The following DDX50 variants were observed in gnomAD, a reference collection of about 807,000 sequenced individuals.
DDX50 encodes ATP-dependent RNA helicase DDX50.
DDX50 carries 56 observed loss-of-function variants against 94.8 expected under a neutral mutation model. That is an observed-to-expected ratio of 0.59 (90% CI 0.48 to 0.74). The LOEUF (loss-of-function observed/expected upper bound fraction) is 0.74. DDX50 is among the 30% of genes least tolerant of loss of function. The probability of loss-of-function intolerance (pLI) is 0.00; values close to 1 mark genes in which losing one functional copy is unlikely to be tolerated. For missense variants in DDX50, 713 were observed against 881.2 expected (o/e 0.81, Z 2.42); for synonymous variants, 264 against 295.4 (o/e 0.89, Z 1.09).
At position 68,906,742 on chromosome 10, in the gene DDX50, A is replaced by C; in HGVS notation, c.119A>C (p.Asp40Ala). The part of the protein sequence containing the change: ...SDRRKSRHHY[D>A]SDEKSETREN... ...AGAAGGAAGTCAAGGCACCATTATG[A>C]CTCGGATGAGAAATCAGAAACAAGA... Residue 40 changes from aspartate (D) to alanine (A), a missense_variant, in exon 2 of 15, where the codon GAC (aspartate) becomes GCC (alanine). Coordinates refer to ENST00000373585, the MANE Select transcript of DDX50 (RefSeq NM_024045.2). 2 of 1,612,020 alleles carry C rather than the reference A, an allele frequency of 1.2e-6. No individual in the cohort carries two copies. Among genetic ancestry groups the C allele is most frequent in the South Asian group, 2.2e-5 (2 of 90,412 alleles).
At chr10:68,907,323 T>TC (rs1841487088) in intron 2 of DDX50, among the ~76,000 whole-genome samples, 1 of 149,310 alleles carries the variant, frequency 6.7e-6, no homozygotes, top group African/African-American at 2.5e-5. Flanking sequence ...TTTTCTTTTT[T>TC]TTTTTTTTTT....
At chr10:68,946,251 C>T in intron 14 of DDX50, 101 bp from the exon 15 acceptor site, 1 of 1,380,624 alleles carries the variant, frequency 7.2e-7, no homozygotes, top group Non-Finnish European at 9.7e-7. Flanking sequence ...AATAGATGGC[C>T]TTTAGCTAAT....
At chr10:68,904,913 G>A (rs540466131) in intron 1 of DDX50, among the ~76,000 whole-genome samples, 16 of 152,344 alleles carry the variant, frequency 1.1e-4, no homozygotes, top group African/African-American at 3.8e-4. Context: ...TTATGGATGA[G>A]AAAATTATAT....
chr10:68,946,647 C>T lies in DDX50; in HGVS notation c.*17C>T, dbSNP rs1424351723. 2 of 1,606,046 alleles carry T rather than the reference C, an allele frequency of 1.2e-6. No homozygotes were observed. Among genetic ancestry groups the T allele is most frequent in the South Asian group, 1.1e-5 (1 of 90,760 alleles). ...TTTGACTGAGTATTTGATAGTTAATCTACCAGTGTGAGCTTGCCTATTTCT... is the reference window on the plus strand; with the variant it reads ...TTTGACTGAGTATTTGATAGTTAATTTACCAGTGTGAGCTTGCCTATTTCT... On this transcript the variant is annotated 3_prime_UTR_variant, in exon 15 of 15. Coordinates refer to ENST00000373585, the MANE Select transcript of DDX50 (RefSeq NM_024045.2).
chr10:68,937,468 C>T lies in DDX50; in HGVS notation c.1755+373C>T, dbSNP rs372294373. The stretch of plus-strand genomic sequence containing the variant: ...GTGGTGATGTTTCAGTACATCCGTA[C>T]ATACCATGTATAGGTATCAGATCAG... On this transcript the variant is annotated intron_variant, in intron 12 of 14. Transcript: ENST00000373585. Among the ~76,000 whole-genome samples the T allele has an allele frequency of 2.4e-3, 368 of 152,102 alleles. 2 individuals are homozygous for T. The highest frequency in any genetic ancestry group is 8.6e-3 in the African/African-American group (358 of 41,504).
At chr10:68,936,516 ATATATATATAT>A (rs1480311750) in intron 11 of DDX50, among the ~76,000 whole-genome samples, 226 of 16,704 alleles carry the variant, frequency 0.014, 9 homozygotes, top group African/African-American at 0.032. Context: ...AAAAAAAAAA[ATATATATATAT>A]ATATATATAT....
At chr10:68,925,095 GTTTTTT>G (rs1239190321) in intron 8 of DDX50, among the ~76,000 whole-genome samples, 1 of 28,562 alleles carries the variant, frequency 3.5e-5, no homozygotes, top group African/African-American at 1.1e-4. Flanking sequence ...CCTGCTCATG[GTTTTTT>G]TTTTTTTTTT....
At chr10:68,922,809 T>C (rs1841976158) in intron 8 of DDX50, among the ~76,000 whole-genome samples, 1 of 150,426 alleles carries the variant, frequency 6.6e-6, no homozygotes, top group South Asian at 2.1e-4. Flanking sequence ...TTTTTTTTTT[T>C]TTTGAGAGTC....
Position 68,934,378 on chromosome 10 carries a change from A to AT in DDX50, c.1401+21dup, listed in dbSNP as rs1307964067. ...CTCCTCAGGTAGGAAATGGGATTTGATTTGGGAAAAATAAGAGCAATTTTA... is the reference window on the plus strand; with the variant it reads ...CTCCTCAGGTAGGAAATGGGATTTGATTTTGGGAAAAATAAGAGCAATTTTA... On this transcript the variant is annotated intron_variant, in intron 9 of 14. Coordinates refer to ENST00000373585, the MANE Select transcript of DDX50 (RefSeq NM_024045.2). This position sits in a 1 kb window ranked among gnomAD's most constrained non-coding sequence, Gnocchi z 4.0. 4 of 1,610,854 alleles carry AT rather than the reference A, an allele frequency of 2.5e-6. No homozygotes were observed. Among genetic ancestry groups the AT allele is most frequent in the Admixed American group, 3.4e-5 (2 of 58,766 alleles).
chr10:68,909,811 C>T (rs1841572114), intron 2 of DDX50, among the ~76,000 whole-genome samples: 2 of 152,012 alleles, frequency 1.3e-5, no homozygotes, highest in Non-Finnish European at 2.9e-5. Context: ...TACAGGCATG[C>T]GCCACCATGC....
intron 12 of DDX50, among the ~76,000 whole-genome samples, chr10:68,940,136 C>T (rs1842521573): frequency 6.6e-6 from 1 of 151,978 alleles, no homozygotes; most frequent in Non-Finnish European, 1.5e-5. Context: ...TGCCTGTAAT[C>T]CTAGCACTTT....
chr10:68,913,117 T>G, intron 4 of DDX50, 45 bp from the exon 5 acceptor site: 1 of 1,482,876 alleles, frequency 6.7e-7, no homozygotes. Context: ...AATTTAGATA[T>G]GTCTTTAGAA....
At chr10:68,922,198 T>C (rs1273439097) in intron 8 of DDX50, among the ~76,000 whole-genome samples, 3 of 152,286 alleles carry the variant, frequency 2.0e-5, no homozygotes, top group East Asian at 1.9e-4. Context: ...CTCTCTTTTT[T>C]TTTAAGAGAC....
chr10:68,928,205 C>T (rs1842139683), intron 8 of DDX50, among the ~76,000 whole-genome samples: 1 of 151,932 alleles, frequency 6.6e-6, no homozygotes, highest in African/African-American at 2.4e-5. Flanking sequence ...GTCCAAGCTA[C>T]TGAGGAGGCT....
chr10:68,946,753 G>T lies in DDX50; in HGVS notation c.*123G>T. On this transcript the variant is annotated 3_prime_UTR_variant, in exon 15 of 15. Coordinates refer to ENST00000373585, the MANE Select transcript of DDX50 (RefSeq NM_024045.2). ...TCTGCTATTTGCAAAGAAGTTGGTC[G>T]TATTTTTTTAAAAAGTATTTCACAA... is the stretch of plus-strand genomic sequence containing the variant. The T allele has an allele frequency of 3.1e-6, 4 of 1,282,340 alleles. No homozygotes were observed. The highest frequency in any genetic ancestry group is 4.2e-6 in the Non-Finnish European group (4 of 943,016). The allele number at this position is 1,282,340 out of a possible 1,614,324, so 79.4% of individuals were successfully genotyped here.
Position 68,912,636 on chromosome 10 carries a change from C to G in DDX50, c.640-526C>G, listed in dbSNP as rs553575753. Reference sequence around the variant, plus strand: ...CTCTGAGACACAAGTCTCTCATTTACGAAAATGGTGGCATAATGCCACTCA... The same window carrying G: ...CTCTGAGACACAAGTCTCTCATTTAGGAAAATGGTGGCATAATGCCACTCA... On this transcript the variant is annotated intron_variant, in intron 4 of 14. Transcript: ENST00000373585. 2.0e-5 allele frequency among the ~76,000 whole-genome samples: 3 copies of G among 152,310 alleles called. No individual in the cohort carries two copies. In the East Asian group the frequency reaches 5.8e-4, roughly 29 times the overall value.
chr10:68,935,562 C>T (rs924460556), intron 10 of DDX50, among the ~76,000 whole-genome samples: 9 of 152,156 alleles, frequency 5.9e-5, no homozygotes, highest in Non-Finnish European at 1.3e-4. Flanking sequence ...TGGCTGGGTG[C>T]AGTCACTCAC....
chr10:68,905,094 T>G (rs1180705894), intron 1 of DDX50, among the ~76,000 whole-genome samples: 2 of 152,166 alleles, frequency 1.3e-5, no homozygotes, highest in African/African-American at 2.4e-5. Context: ...CTTTTGTATT[T>G]TTGTAGAGAC....
chr10:68,931,764 T>A (rs1309075057), intron 8 of DDX50, among the ~76,000 whole-genome samples: 1 of 152,072 alleles, frequency 6.6e-6, no homozygotes, highest in Non-Finnish European at 1.5e-5. Flanking sequence ...CTGCTTATAA[T>A]CATTCAGTTG....
Sources: allele counts gnomAD v4.1 joint callset (sites outside exome capture counted in the v4.1 genomes callset), GRCh38; gene constraint gnomAD v4.1.1; non-coding constraint Gnocchi (gnomAD v3.1); transcripts MANE v1.5; gene names NCBI Gene and HGNC (gene_info 2026-07-23, HGNC 2026-07-21).